CACNA2D3: variants seen among roughly 807,000 people sequenced by gnomAD.
CACNA2D3 encodes the protein calcium voltage-gated channel auxiliary subunit alpha2delta 3, also known as voltage-dependent calcium channel subunit alpha-2/delta-3.
CACNA2D3 carries 60 observed loss-of-function variants against 160.6 expected under a neutral mutation model. The observed-to-expected ratio is 0.37, with a 90% CI of 0.30 to 0.46. CACNA2D3 has a LOEUF of 0.46. Among genes scored for constraint, CACNA2D3 ranks in the 20% least tolerant of loss-of-function variants. The pLI, the probability that CACNA2D3 is intolerant of heterozygous loss-of-function variation, is 1.00. For missense variants in CACNA2D3, 1,205 were observed against 1,365.0 expected, an observed-to-expected ratio of 0.88 and a Z score of 1.85; for synonymous variants, 558 against 492.9, an observed-to-expected ratio of 1.13 and a Z score of -1.75.
chr3:54,482,319 G>C (rs1700946934), intron 4 of CACNA2D3, among the ~76,000 whole-genome samples: 1 of 152,180 alleles, frequency 6.6e-6, no homozygotes, highest in South Asian at 2.1e-4. Flanking sequence ...TATGGCTATA[G>C]CTTCTGCTTC....
intron 2 of CACNA2D3, among the ~76,000 whole-genome samples, chr3:54,274,733 G>C (rs1023111514): frequency 6.6e-6 from 1 of 152,166 alleles, no homozygotes; most frequent in Non-Finnish European, 1.5e-5. Context: ...CTGAAGGCTC[G>C]GCTAGGGGGG....
At chr3:54,140,706 ACCCTCT>A (rs1699908672) in intron 2 of CACNA2D3, among the ~76,000 whole-genome samples, 1 of 152,082 alleles carries the variant, frequency 6.6e-6, no homozygotes, top group Non-Finnish European at 1.5e-5. Flanking sequence ...TTGCACACCC[ACCCTCT>A]GATGTCAGTG....
chr3:54,936,428 A>G (rs1034944255), intron 27 of CACNA2D3, among the ~76,000 whole-genome samples: 3 of 152,160 alleles, frequency 2.0e-5, no homozygotes, highest in African/African-American at 7.2e-5. Context: ...GCTTGTCATC[A>G]AAGTCGCTCC....
chr3:54,468,982 G>A (rs1005351936), intron 4 of CACNA2D3, among the ~76,000 whole-genome samples: 1 of 152,156 alleles, frequency 6.6e-6, no homozygotes, highest in Non-Finnish European at 1.5e-5. Flanking sequence ...TGGGGGATGG[G>A]GTGGCTGTGG....
intron 27 of CACNA2D3, among the ~76,000 whole-genome samples, chr3:54,922,566 G>T (rs1437365367): frequency 6.6e-6 from 1 of 152,050 alleles, no homozygotes; most frequent in African/African-American, 2.4e-5. Context: ...TGTTGAGAAG[G>T]ATTTATTCAA....
At chr3:54,539,367 T>G (rs751887004) in intron 5 of CACNA2D3, among the ~76,000 whole-genome samples, 3 of 152,244 alleles carry the variant, frequency 2.0e-5, no homozygotes, top group Non-Finnish European at 2.9e-5. Flanking sequence ...CTCCTTCTCC[T>G]GTGTTACTTC....
chr3:54,817,455 C>T (rs1703481935), intron 14 of CACNA2D3, among the ~76,000 whole-genome samples: 1 of 152,200 alleles, frequency 6.6e-6, no homozygotes, highest in Non-Finnish European at 1.5e-5. Flanking sequence ...TCCAGAAAGA[C>T]TCCATGTGGT....
chr3:55,074,138 G>A lies in CACNA2D3; in HGVS notation c.3208G>A (p.Ala1070Thr). The A allele has an allele frequency of 6.2e-7, 1 of 1,613,834 alleles. No individual in the cohort carries two copies. The highest frequency in any genetic ancestry group is 8.5e-7 in the Non-Finnish European group (1 of 1,179,810). ...PEENARECGG[A>T]PSLQAQTVLL... ...GGAGAATGCAAGGGAGTGTGGGGGT[G>A]CGCCGAGTCTCCAAGCCCAGACAGT... The change falls in exon 38 of 38, where the codon GCG becomes ACG. Residue 1070 changes from alanine (A) to threonine (T), a missense_variant. This residue lies in a region of CACNA2D3 where 911 missense variants were observed against 1,002.2 expected (regional missense o/e 0.91). Coordinates refer to ENST00000474759, the MANE Select transcript of CACNA2D3 (RefSeq NM_018398.3).
chr3:54,718,229 T>A (rs966003132), intron 11 of CACNA2D3, among the ~76,000 whole-genome samples: 6 of 152,174 alleles, frequency 3.9e-5, no homozygotes. Context: ...CAGAAGTTTT[T>A]AAAAATTTTG....
At chr3:54,386,026 A>T (rs1266322707) in intron 3 of CACNA2D3, 1 of 485,618 alleles carries the variant, frequency 2.1e-6, no homozygotes, top group Non-Finnish European at 4.1e-6. Flanking sequence ...ATTGTTGACT[A>T]ATTATCTAAA....
rs900471745 is a variant in CACNA2D3, at chr3:54,838,427, T to C, written c.1471-141T>C. 3.3e-4 allele frequency: 231 copies of C among 695,814 alleles called. 1 individual carries two copies. The highest frequency in any genetic ancestry group is 1.4e-4 in the Non-Finnish European group (56 of 394,138). The allele number at this position is 695,814 out of a possible 1,614,324, so 43.1% of individuals were successfully genotyped here. On this transcript the variant is annotated intron_variant, in intron 15 of 37. Transcript: ENST00000474759. Reference sequence around the variant, plus strand: ...GGAGGGTGGGGGATAGAAGAGACCATTCTTGGAGATATGGGTTAATCCTCA... The same window carrying C: ...GGAGGGTGGGGGATAGAAGAGACCACTCTTGGAGATATGGGTTAATCCTCA...
chr3:54,964,642 T>A (rs749983997), intron 27 of CACNA2D3, among the ~76,000 whole-genome samples: 36 of 152,124 alleles, frequency 2.4e-4, no homozygotes, highest in Non-Finnish European at 4.3e-4. Context: ...TTTTCTCTGA[T>A]AAAGGTCAAG....
At chr3:54,305,305 A>G (rs542349551) in intron 2 of CACNA2D3, among the ~76,000 whole-genome samples, 1 of 152,202 alleles carries the variant, frequency 6.6e-6, no homozygotes, top group African/African-American at 2.4e-5. Context: ...TAGGGAAAAA[A>G]TTATAGTTCC....
chr3:54,750,737 G>A (rs143814169), intron 11 of CACNA2D3, among the ~76,000 whole-genome samples: 2 of 151,786 alleles, frequency 1.3e-5, no homozygotes, highest in Non-Finnish European at 1.5e-5. Flanking sequence ...AGGAGGGTCA[G>A]TGGTAATCAC....
chr3:55,038,297 A>T (rs1310071853), intron 35 of CACNA2D3, among the ~76,000 whole-genome samples: 1 of 152,130 alleles, frequency 6.6e-6, no homozygotes, highest in Non-Finnish European at 1.5e-5. Context: ...AGCATATTTC[A>T]TCCTACAATT....
At chr3:54,704,952 A>G (rs893847358) in intron 11 of CACNA2D3, among the ~76,000 whole-genome samples, 2 of 152,044 alleles carry the variant, frequency 1.3e-5, no homozygotes, top group Non-Finnish European at 2.9e-5. Context: ...AGTCAAAGTA[A>G]TGGACTTTCC....
chr3:54,939,874 C>A (rs9823586), intron 27 of CACNA2D3, among the ~76,000 whole-genome samples: 23,605 of 152,210 alleles, frequency 0.16, 2,175 homozygotes, highest in African/African-American at 0.27. Flanking sequence ...GCCATGCTTG[C>A]TTTAGAGCAT....
intron 11 of CACNA2D3, among the ~76,000 whole-genome samples, chr3:54,709,145 G>T (rs2106960265): frequency 6.6e-6 from 1 of 151,624 alleles, no homozygotes; most frequent in Admixed American, 6.6e-5. Flanking sequence ...AACTGACTGG[G>T]ACTACAGGTG....
chr3:54,806,959 A>T (rs1001370003), intron 13 of CACNA2D3, among the ~76,000 whole-genome samples: 4 of 152,188 alleles, frequency 2.6e-5, no homozygotes, highest in East Asian at 1.9e-4. Context: ...GGGGAAAGGA[A>T]TCCCTACTTA....
Sources: gnomAD v4.1 joint callset for allele counts (sites outside exome capture counted in the v4.1 genomes callset) on GRCh38, gnomAD v4.1.1 for gene constraint, gnomAD v4.1.1 regional missense constraint, MANE v1.5 for transcripts, NCBI Gene and HGNC (gene_info 2026-07-23, HGNC 2026-07-21) for gene names.